Variants in DPP10 observed in about 807,000 individuals in gnomAD.
DPP10 encodes the protein dipeptidyl peptidase like 10, also known as inactive dipeptidyl peptidase 10.
In DPP10, 33 loss-of-function variants were observed where a neutral mutation model predicts 120.9. The ratio of observed to expected loss-of-function variants is 0.27; its 90% CI spans 0.21 to 0.37. The LOEUF (loss-of-function observed/expected upper bound fraction) is 0.37. Among genes scored for constraint, DPP10 ranks in the 10% least tolerant of loss-of-function variants. The pLI, the probability that DPP10 is intolerant of heterozygous loss-of-function variation, is 1.00. For missense variants in DPP10, 816 were observed against 942.8 expected (o/e 0.87, Z 1.76); for synonymous variants, 337 against 326.1 (o/e 1.03, Z -0.36).
At chr2:114,776,482 A>T (rs1293478056) in intron 1 of DPP10, among the ~76,000 whole-genome samples, 1 of 152,166 alleles carries the variant, frequency 6.6e-6, no homozygotes, top group African/African-American at 2.4e-5. Flanking sequence ...ACTGAATGCA[A>T]TCTCCGTTAT....
chr2:114,689,917 T>G (rs550311446), intron 1 of DPP10, among the ~76,000 whole-genome samples: 1 of 152,238 alleles, frequency 6.6e-6, no homozygotes, highest in African/African-American at 2.4e-5. Context: ...TGCCCACTTT[T>G]TTTAATGGGG....
intron 3 of DPP10, among the ~76,000 whole-genome samples, chr2:115,432,603 C>G (rs1190377050): frequency 6.7e-6 from 1 of 149,492 alleles, no homozygotes; most frequent in African/African-American, 2.5e-5. Context: ...ATTTTGTTAA[C>G]CTGAAATATT....
intron 3 of DPP10, among the ~76,000 whole-genome samples, chr2:115,363,127 G>GA (rs1041313161): frequency 1.4e-4 from 21 of 152,048 alleles, no homozygotes; most frequent in Middle Eastern, 3.2e-3. Context: ...ATTTGTGAGT[G>GA]AAAAAATCAC....
At chr2:115,496,919 A>T (rs1272107752) in intron 3 of DPP10, among the ~76,000 whole-genome samples, 1 of 151,914 alleles carries the variant, frequency 6.6e-6, no homozygotes, top group Non-Finnish European at 1.5e-5. Flanking sequence ...GATGCTGCTG[A>T]TTGGTTGGGG....
chr2:114,712,709 AATAG>A (rs536177165), intron 1 of DPP10, among the ~76,000 whole-genome samples: 182 of 152,312 alleles, frequency 1.2e-3, no homozygotes, highest in African/African-American at 3.9e-3. Context: ...AATACTATGA[AATAG>A]ATATACATCA....
At chr2:115,133,146 T>TGTGTATATATATATATATATATAC (rs1491507810) in intron 1 of DPP10, among the ~76,000 whole-genome samples, 1 of 16,666 alleles carries the variant, frequency 6.0e-5, no homozygotes, top group African/African-American at 2.3e-4. Flanking sequence ...TGTGTGTGTG[T>TGTGTATATATATATATATATATAC]ATATATATAT....
In DPP10 at chr2:114,723,047, T is replaced by C. The variant is rs78888998; in HGVS notation, c.60+280209T>C. ...AAGGATGGAAGTGCTCCGTGCACAT[T>C]CATGAGATGGAGGTGGGAAGTCAGA... On this transcript the variant is annotated intron_variant, in intron 1 of 25. Coordinates refer to ENST00000410059, the MANE Select transcript of DPP10 (RefSeq NM_020868.6). 7.9e-3 allele frequency among the ~76,000 whole-genome samples: 1,200 copies of C among 152,182 alleles called. 15 individuals are homozygous for C. Among genetic ancestry groups the C allele is most frequent in the African/African-American group, 0.027 (1,129 of 41,522 alleles).
At chr2:114,809,252 CTG>C (rs1684987855) in intron 1 of DPP10, among the ~76,000 whole-genome samples, 1 of 152,128 alleles carries the variant, frequency 6.6e-6, no homozygotes, top group Non-Finnish European at 1.5e-5. Flanking sequence ...ACTCTGGGCT[CTG>C]AGAGATTAGA....
chr2:115,082,935 A>C (rs1461605589), intron 1 of DPP10, among the ~76,000 whole-genome samples: 1 of 152,208 alleles, frequency 6.6e-6, no homozygotes, highest in Non-Finnish European at 1.5e-5. Flanking sequence ...ACTTTATTTA[A>C]ATTGTTCTTC....
chr2:115,770,471 T>C (rs1310796498), intron 13 of DPP10, among the ~76,000 whole-genome samples: 1 of 152,106 alleles, frequency 6.6e-6, no homozygotes, highest in Non-Finnish European at 1.5e-5. Context: ...GCTGTTTAGG[T>C]AATTTGTGGT....
intron 1 of DPP10, among the ~76,000 whole-genome samples, chr2:115,222,340 T>C (rs2057214950): frequency 6.6e-6 from 1 of 152,182 alleles, no homozygotes; most frequent in Non-Finnish European, 1.5e-5. Context: ...ATAATTGATA[T>C]GATTTGGCCA....
At chr2:115,084,093 A>G (rs1395664850) in intron 1 of DPP10, among the ~76,000 whole-genome samples, 1 of 152,192 alleles carries the variant, frequency 6.6e-6, no homozygotes, top group Non-Finnish European at 1.5e-5. Context: ...ATCAATATGA[A>G]TACGAAACCT....
At chr2:115,127,993 C>T (rs544506164) in intron 1 of DPP10, among the ~76,000 whole-genome samples, 1 of 152,214 alleles carries the variant, frequency 6.6e-6, no homozygotes, top group African/African-American at 2.4e-5. Flanking sequence ...GATTTAAAAA[C>T]AGAAAAACAA....
intron 1 of DPP10, among the ~76,000 whole-genome samples, chr2:114,960,316 T>C (rs905662316): frequency 6.6e-6 from 1 of 151,346 alleles, no homozygotes; most frequent in African/African-American, 2.4e-5. Flanking sequence ...TAGAGGAATA[T>C]GAATTTAGAA....
At chr2:114,449,581 G>A (rs1001483480) in intron 1 of DPP10, among the ~76,000 whole-genome samples, 3 of 151,824 alleles carry the variant, frequency 2.0e-5, no homozygotes, top group Non-Finnish European at 4.4e-5. Flanking sequence ...CTTTAGAGGG[G>A]CATCCTTAAG....
At chr2:114,900,734 T>C (rs552554700) in intron 1 of DPP10, among the ~76,000 whole-genome samples, 121 of 152,332 alleles carry the variant, frequency 7.9e-4, no homozygotes, top group African/African-American at 2.8e-3. Context: ...AGTATGGTTA[T>C]TACCTTTTGA....
At chr2:115,258,616 C>T (rs571746135) in intron 1 of DPP10, among the ~76,000 whole-genome samples, 9 of 151,974 alleles carry the variant, frequency 5.9e-5, no homozygotes, top group East Asian at 1.9e-4. Context: ...AAGCAGATTG[C>T]GCACTTCAGG....
intron 1 of DPP10, among the ~76,000 whole-genome samples, chr2:114,449,128 C>G (rs1023932441): frequency 6.6e-6 from 1 of 152,066 alleles, no homozygotes; most frequent in African/African-American, 2.4e-5. Context: ...AATTTTTTGT[C>G]CAGAAATTGT....
chr2:114,757,521 G>C (rs1275185470), intron 1 of DPP10, among the ~76,000 whole-genome samples: 1 of 152,174 alleles, frequency 6.6e-6, no homozygotes, highest in Non-Finnish European at 1.5e-5. Context: ...TCAGGTACCA[G>C]AGACCTAAGA....
Sources: allele counts gnomAD v4.1 joint callset (sites outside exome capture counted in the v4.1 genomes callset), GRCh38; gene constraint gnomAD v4.1.1; transcripts MANE v1.5; gene names NCBI Gene and HGNC (gene_info 2026-07-23, HGNC 2026-07-21).